INTS8: variants seen among roughly 807,000 people sequenced by gnomAD.
INTS8 encodes integrator complex subunit 8.
INTS8 carries 47 observed loss-of-function variants against 138.9 expected under a neutral mutation model. The ratio of observed to expected loss-of-function variants is 0.34; its 90% CI spans 0.27 to 0.43. INTS8 has a LOEUF of 0.43. Among genes scored for constraint, INTS8 ranks in the 20% least tolerant of loss-of-function variants. The probability of loss-of-function intolerance (pLI) is 1.00; values close to 1 mark genes in which losing one functional copy is unlikely to be tolerated. For synonymous variants in INTS8, 392 were observed against 400.9 expected (o/e 0.98, Z 0.27); for missense variants, 996 against 1,173.0 (o/e 0.85, Z 2.20).
At chr8:94,836,468 C>T in intron 6 of INTS8, 56 bp from the exon 7 acceptor site, 2 of 1,345,400 alleles carry the variant, frequency 1.5e-6, no homozygotes, top group South Asian at 1.2e-5. Context: ...TTGGTTCTGT[C>T]ACCTCTTAAG....
At chr8:94,873,890 C>T (rs1207827494) in intron 22 of INTS8, 1 of 159,046 alleles carries the variant, frequency 6.3e-6, no homozygotes, top group Non-Finnish European at 1.4e-5. Context: ...TGCCACCATC[C>T]AGTTAGCTCT....
intron 20 of INTS8, among the ~76,000 whole-genome samples, chr8:94,869,524 G>C (rs1315661801): frequency 6.6e-6 from 1 of 150,818 alleles, no homozygotes; most frequent in Non-Finnish European, 1.5e-5. Flanking sequence ...ACGGAGTCTT[G>C]CTCTGTTGCC....
At position 94,853,862 on chromosome 8, in the gene INTS8, A is replaced by G. The variant is rs1815644768; in HGVS notation, c.1699A>G (p.Arg567Gly). 2 of 1,611,256 alleles carry G rather than the reference A, an allele frequency of 1.2e-6. No homozygotes were observed. Among genetic ancestry groups the G allele is most frequent in the Admixed American group, 1.7e-5 (1 of 60,008 alleles). Reference sequence around the variant, plus strand: ...CCTGGGAATTAAAGACAATTTAACAAGAGATTTGGTTTATATTCTTATGGC... The same window carrying G: ...CCTGGGAATTAAAGACAATTTAACAGGAGATTTGGTTTATATTCTTATGGC... ...VILGIKDNLTRDLVYILMAKG... is the reference protein window; with the variant it reads ...VILGIKDNLTGDLVYILMAKG... The change falls in exon 14 of 27, where the codon AGA (arginine) becomes GGA (glycine). Residue 567 changes from arginine (R) to glycine (G), a missense_variant. By Grantham distance (125) the Arg-to-Gly change is moderately radical (BLOSUM62 -2). Transcript: ENST00000523731.
At chr8:94,867,473 T>G in intron 20 of INTS8, 136 bp downstream of exon 20, 2 of 646,276 alleles carry the variant, frequency 3.1e-6, no homozygotes, top group Non-Finnish European at 5.3e-6. Context: ...GTTTCTCTAT[T>G]ATGATAATGA....
chr8:94,850,611 C>CAAAA (rs11313192), intron 12 of INTS8, among the ~76,000 whole-genome samples: 4 of 93,232 alleles, frequency 4.3e-5, no homozygotes, highest in Non-Finnish European at 6.4e-5. Context: ...GACTCCGACT[C>CAAAA]AAAAAAAAAA....
intron 21 of INTS8, 84 bp from the exon 22 acceptor site, chr8:94,873,290 T>G: frequency 1.1e-6 from 1 of 899,484 alleles, no homozygotes. Context: ...TGTTAACTTA[T>G]GAAGTTACAC....
At chr8:94,860,606 C>G (rs1244171707) in intron 16 of INTS8, among the ~76,000 whole-genome samples, 1 of 147,444 alleles carries the variant, frequency 6.8e-6, no homozygotes, top group Non-Finnish European at 1.5e-5. Context: ...AAAAAAAAAC[C>G]CAAAAAACAA....
In INTS8 at chr8:94,873,415, G is replaced by T; in HGVS notation, c.2575G>T (p.Ala859Ser). ...YSAALHYYLQAGAVCSDFFNK... is the reference protein window; with the variant it reads ...YSAALHYYLQSGAVCSDFFNK... ...AGCAGCTCTTCACTATTACCTCCAGGCAGGAGCTGTGTGTTCTGACTTCTT... is the reference window on the plus strand; with the variant it reads ...AGCAGCTCTTCACTATTACCTCCAGTCAGGAGCTGTGTGTTCTGACTTCTT... Residue 859 changes from alanine (A) to serine (S), a missense_variant, in exon 22 of 27, where the codon GCA becomes TCA. Physicochemically the swap from Ala to Ser is moderately conservative, Grantham distance 99 (BLOSUM62 1). Coordinates refer to ENST00000523731, the MANE Select transcript of INTS8 (RefSeq NM_017864.4). 1 of 1,613,984 alleles carries T rather than the reference G, an allele frequency of 6.2e-7. No homozygotes were observed. The highest frequency in any genetic ancestry group is 1.1e-5 in the South Asian group (1 of 91,080).
chr8:94,832,110 T>C lies in INTS8; in HGVS notation c.689T>C (p.Val230Ala). ...LDLLAMEPGM[V>A]NGETESSTAG... ...TTATTGGCCATGGAACCAGGCATGG[T>C]AAATGGAGAAACTGAGAGTTCTACT... The change falls in exon 6 of 27, where the codon GTA becomes GCA. Residue 230 changes from valine to alanine, a missense_variant. By Grantham distance (64) the Val-to-Ala change is moderately conservative. Transcript: ENST00000523731. The C allele has an allele frequency of 6.2e-7, 1 of 1,613,882 alleles. No homozygotes were observed. The highest frequency in any genetic ancestry group is 2.2e-5 in the East Asian group (1 of 44,834).
In INTS8 at chr8:94,866,172, C is replaced by A; in HGVS notation, c.2276C>A (p.Ser759Tyr). Reference protein sequence around the residue: ...LGIMYRSELLSFIKKLREPLV... With the variant: ...LGIMYRSELLYFIKKLREPLV... Reference sequence around the variant, plus strand: ...TTGTTTTGTAGGAGTGAACTGCTTTCTTTTATCAAAAAATTACGAGTAAGT... The same window carrying A: ...TTGTTTTGTAGGAGTGAACTGCTTTATTTTATCAAAAAATTACGAGTAAGT... Residue 759 changes from serine (S) to tyrosine (Y), a missense_variant, in exon 18 of 27, where the codon TCT (serine) becomes TAT (tyrosine). Transcript: ENST00000523731. 7.6e-7 allele frequency: 1 copy of A among 1,311,442 alleles called. No homozygotes were observed. Among genetic ancestry groups the A allele is most frequent in the Non-Finnish European group, 1.1e-6 (1 of 924,626 alleles). 81.2% of individuals were successfully genotyped at this position (1,311,442 alleles called of 1,614,324 possible). A position where few individuals can be genotyped will look rare whatever the true frequency, so the allele number is the denominator to read the frequency against.
chr8:94,856,707 T>G, intron 14 of INTS8, 70 bp from the exon 15 acceptor site: 1 of 1,269,354 alleles, frequency 7.9e-7, no homozygotes, highest in Non-Finnish European at 1.1e-6. Context: ...CTTTGCTCTG[T>G]CAACATAAAG....
intron 6 of INTS8, among the ~76,000 whole-genome samples, chr8:94,835,456 T>C (rs746645337): frequency 4.6e-5 from 7 of 152,220 alleles, no homozygotes; most frequent in Admixed American, 3.9e-4. Context: ...TGGAAAAGTT[T>C]TATGGTTAGC....
Position 94,823,696 on chromosome 8 carries a change from G to A in INTS8, c.130+135G>A, listed in dbSNP as rs1814368517. On this transcript the variant is annotated intron_variant, in intron 1 of 26. Coordinates refer to ENST00000523731, the MANE Select transcript of INTS8 (RefSeq NM_017864.4). ...GCGCACAGGAGCCCAGCTCCGGCCG[G>A]GCTCCTCGCTTCCCTTAAACATGCC... is the stretch of plus-strand genomic sequence containing the variant. 8.9e-6 allele frequency: 6 copies of A among 677,508 alleles called. 1 individual carries two copies. In the South Asian group the frequency reaches 1.0e-4, roughly 11 times the overall value. 42.0% of individuals were successfully genotyped at this position (677,508 alleles called of 1,614,324 possible).
Position 94,857,023 on chromosome 8 carries a change from C to G in INTS8, c.1954+45C>G, listed in dbSNP as rs1273575455. On this transcript the variant is annotated intron_variant, in intron 15 of 26. Coordinates refer to ENST00000523731, the MANE Select transcript of INTS8 (RefSeq NM_017864.4). Reference sequence around the variant, plus strand: ...ACAAATTTCAGAAACTCAGTACTCACATAATTGTGGGGGAAAATTTAAAAG... The same window carrying G: ...ACAAATTTCAGAAACTCAGTACTCAGATAATTGTGGGGGAAAATTTAAAAG... 2.7e-6 allele frequency: 3 copies of G among 1,121,602 alleles called. No individual in the cohort carries two copies. The African/African-American group carries it at 4.8e-5, about 18-fold the overall frequency. The allele number at this position is 1,121,602 out of a possible 1,614,324, so 69.5% of individuals were successfully genotyped here.
At chr8:94,857,400 T>C (rs1381643244) in intron 15 of INTS8, among the ~76,000 whole-genome samples, 1 of 152,122 alleles carries the variant, frequency 6.6e-6, no homozygotes, top group Non-Finnish European at 1.5e-5. Flanking sequence ...AAAAAAGTTA[T>C]TTCACTCCTA....
In INTS8 at chr8:94,823,351, C is replaced by G; in HGVS notation, c.-81C>G. 6.6e-7 allele frequency: 1 copy of G among 1,508,188 alleles called. No homozygotes were observed. The highest frequency in any genetic ancestry group is 8.8e-7 in the Non-Finnish European group (1 of 1,131,960). The allele number at this position is 1,508,188 out of a possible 1,614,324, so 93.4% of individuals were successfully genotyped here. On this transcript the variant is annotated 5_prime_UTR_variant, in exon 1 of 27. Transcript: ENST00000523731. ...GTGGCCTCTCTCCCACCGGGTTCCG[C>G]ATACCCCAGGCACCGGCCCGCATCC...
intron 15 of INTS8, among the ~76,000 whole-genome samples, chr8:94,859,241 A>G (rs1178567293): frequency 1.3e-5 from 2 of 151,492 alleles, no homozygotes; most frequent in African/African-American, 4.8e-5. Context: ...TAATCACACC[A>G]CTGCACTCTA....
At chr8:94,838,145 G>C (rs550754178) in intron 7 of INTS8, among the ~76,000 whole-genome samples, 1 of 150,322 alleles carries the variant, frequency 6.7e-6, no homozygotes, top group East Asian at 2.0e-4. Context: ...CTCTCCTCCC[G>C]GGCTCAAGCC....
intron 22 of INTS8, 152 bp downstream of exon 22, chr8:94,873,629 G>T: frequency 1.6e-6 from 1 of 608,036 alleles, no homozygotes; most frequent in South Asian, 2.0e-5. Flanking sequence ...TATTTTCATT[G>T]TCCTTATTTC....
Sources: gnomAD v4.1 joint callset for allele counts (sites outside exome capture counted in the v4.1 genomes callset) on GRCh38, gnomAD v4.1.1 for gene constraint, MANE v1.5 for transcripts, NCBI Gene and HGNC (gene_info 2026-07-23, HGNC 2026-07-21) for gene names.